Variants in RGS6 observed in about 807,000 individuals in gnomAD.
RGS6 encodes regulator of G protein signaling 6, also known as regulator of G-protein signaling 6.
Under a neutral mutation model 78.5 loss-of-function variants are expected in RGS6, and 30 were observed. The observed-to-expected ratio is 0.38, with a 90% CI of 0.29 to 0.52. The LOEUF (loss-of-function observed/expected upper bound fraction) is 0.52, where lower values mean the gene tolerates loss of function less well. Ranked by LOEUF, RGS6 falls within the 20% of genes least tolerant of loss-of-function variation. RGS6 has a pLI of 0.85. For missense variants in RGS6, 495 were observed against 609.7 expected (o/e 0.81, Z 1.98); for synonymous variants, 206 against 206.0 (o/e 1.00, Z 0.00).
Position 72,565,567 on chromosome 14 carries a change from C to G in RGS6, c.*3100C>G, listed in dbSNP as rs2097706356. The G allele has an allele frequency of 6.6e-6, 1 of 152,208 alleles. No individual in the cohort carries two copies. The highest frequency in any genetic ancestry group is 1.5e-5 in the Non-Finnish European group (1 of 68,066). The allele number at this position is 152,208 out of a possible 1,614,324, so 9.4% of individuals were successfully genotyped here. The stretch of plus-strand genomic sequence containing the variant: ...GCCAGTGCAGTCAGCTGGGCCTGCG[C>G]TCCAGGCTCACCACCGCTAAGTGGT... On this transcript the variant is annotated 3_prime_UTR_variant, in exon 18 of 18. Coordinates refer to ENST00000553525, the MANE Select transcript of RGS6 (RefSeq NM_001204424.2).
At chr14:71,918,585 T>C in the RGS6 span, among the ~76,000 whole-genome samples, 1 of 152,222 alleles carries the variant, frequency 6.6e-6, no homozygotes, top group East Asian at 1.9e-4. Context: ...AGAGATGTAG[T>C]TTACAGCAAA....
At chr14:71,995,732 T>C (rs1311980739) in intron 2 of RGS6, among the ~76,000 whole-genome samples, 1 of 152,232 alleles carries the variant, frequency 6.6e-6, no homozygotes, top group African/African-American at 2.4e-5. Flanking sequence ...ACCCTTTATC[T>C]AAACTGCTTT....
intron 2 of RGS6, among the ~76,000 whole-genome samples, chr14:72,088,403 T>G (rs533720454): frequency 6.6e-6 from 1 of 152,272 alleles, no homozygotes; most frequent in Non-Finnish European, 1.5e-5. Flanking sequence ...AGGTCTCAGC[T>G]CAGCGTTCAC....
intron 12 of RGS6, among the ~76,000 whole-genome samples, chr14:72,488,362 T>G (rs1002598044): frequency 1.3e-5 from 2 of 152,334 alleles, no homozygotes; most frequent in African/African-American, 2.4e-5. Flanking sequence ...TCATTCATGC[T>G]TAATGCCTGT....
chr14:72,547,167 G>T (rs1482451817), intron 17 of RGS6: 12 of 1,534,442 alleles, frequency 7.8e-6, no homozygotes, highest in Middle Eastern at 1.9e-4. Context: ...GACAGAGCCT[G>T]CCTCAGTCCT....
intron 2 of RGS6, among the ~76,000 whole-genome samples, chr14:72,275,223 CAT>C (rs1413785642): frequency 1.3e-5 from 2 of 152,166 alleles, no homozygotes; most frequent in African/African-American, 2.4e-5. Flanking sequence ...TTAATGAACA[CAT>C]ATTAATTTTG....
At chr14:71,958,395 C>A (rs1473275087) in intron 1 of RGS6, among the ~76,000 whole-genome samples, 1 of 152,226 alleles carries the variant, frequency 6.6e-6, no homozygotes, top group Admixed American at 6.5e-5. Context: ...GGAATAATAA[C>A]ATCCACCTGT....
chr14:72,506,716 G>A (rs563808069), intron 13 of RGS6, among the ~76,000 whole-genome samples: 1 of 152,090 alleles, frequency 6.6e-6, no homozygotes, highest in Non-Finnish European at 1.5e-5. Flanking sequence ...ACATTGTATC[G>A]ACTAAAAATT....
chr14:72,241,457 C>T (rs962132671), intron 2 of RGS6, among the ~76,000 whole-genome samples: 9 of 152,022 alleles, frequency 5.9e-5, no homozygotes, highest in African/African-American at 2.2e-4. Flanking sequence ...TCCTTTTTTT[C>T]TCTCTCTCTT....
the RGS6 span, among the ~76,000 whole-genome samples, chr14:71,874,961 G>A: frequency 5.9e-5 from 9 of 152,188 alleles, no homozygotes; most frequent in African/African-American, 1.2e-4. Flanking sequence ...ATTTGCGTAT[G>A]TTGAACCAGC....
intron 2 of RGS6, among the ~76,000 whole-genome samples, chr14:72,065,002 T>A (rs549979890): frequency 6.6e-6 from 1 of 152,244 alleles, no homozygotes; most frequent in Non-Finnish European, 1.5e-5. Flanking sequence ...AGAACTATTA[T>A]AATAGTCAGA....
At chr14:72,110,727 G>A (rs1003279090) in intron 2 of RGS6, among the ~76,000 whole-genome samples, 7 of 152,282 alleles carry the variant, frequency 4.6e-5, no homozygotes, top group Middle Eastern at 3.4e-3. Context: ...GAGCAATAAC[G>A]AAAACCAGAA....
chr14:72,570,235 T>A (rs544659143), downstream of RGS6, among the ~76,000 whole-genome samples: 2 of 152,216 alleles, frequency 1.3e-5, no homozygotes. Context: ...CTAGAGATAA[T>A]GTAAAGTATA....
intron 2 of RGS6, among the ~76,000 whole-genome samples, chr14:72,316,024 T>C (rs1471230907): frequency 6.6e-6 from 1 of 152,210 alleles, no homozygotes; most frequent in Non-Finnish European, 1.5e-5. Context: ...CAGAATTCCC[T>C]GGGGAACATT....
intron 13 of RGS6, among the ~76,000 whole-genome samples, chr14:72,506,027 T>A (rs2096793959): frequency 6.6e-6 from 1 of 152,130 alleles, no homozygotes; most frequent in Non-Finnish European, 1.5e-5. Context: ...TTGATAAGAA[T>A]GAAGAGGCAC....
chr14:72,490,558 T>C (rs913534387), intron 12 of RGS6, among the ~76,000 whole-genome samples: 1 of 152,178 alleles, frequency 6.6e-6, no homozygotes. Flanking sequence ...ATTGTCAAGA[T>C]TCTTTGGAGA....
chr14:71,979,447 G>T (rs1254019509), intron 2 of RGS6, among the ~76,000 whole-genome samples: 2 of 151,566 alleles, frequency 1.3e-5, no homozygotes, highest in Non-Finnish European at 2.9e-5. Flanking sequence ...GCGTCCCAGA[G>T]ATTCTGGTAT....
chr14:72,114,602 A>G (rs2095846404), intron 2 of RGS6, among the ~76,000 whole-genome samples: 1 of 152,230 alleles, frequency 6.6e-6, no homozygotes, highest in Non-Finnish European at 1.5e-5. Context: ...CAACAATTAA[A>G]AAATGGTGCG....
At chr14:72,475,830 G>GCACACACACACACGCACACA (rs1555424341) in intron 10 of RGS6, among the ~76,000 whole-genome samples, 1 of 145,606 alleles carries the variant, frequency 6.9e-6, no homozygotes, top group African/African-American at 2.6e-5. Flanking sequence ...AAAAATACAC[G>GCACACACACACACGCACACA]CACACACACA....
Sources: allele counts gnomAD v4.1 joint callset (sites outside exome capture counted in the v4.1 genomes callset), GRCh38; gene constraint gnomAD v4.1.1; transcripts MANE v1.5; gene names NCBI Gene and HGNC (gene_info 2026-07-23, HGNC 2026-07-21).